Variants in GTF2H1 observed in about 807,000 individuals in gnomAD.
GTF2H1 encodes BTF2 p62.
Under a neutral mutation model 71.2 loss-of-function variants are expected in GTF2H1, and 16 were observed. The ratio of observed to expected loss-of-function variants is 0.22; its 90% CI spans 0.15 to 0.34. The LOEUF is 0.34. GTF2H1 is among the 10% of genes least tolerant of loss of function. The pLI is 1.00. For synonymous variants in GTF2H1, 215 were observed against 219.0 expected, an observed-to-expected ratio of 0.98 and a Z score of 0.16; for missense variants, 498 against 648.2, an observed-to-expected ratio of 0.77 and a Z score of 2.52.
chr11:18,348,165 C>A (rs1021753421), intron 9 of GTF2H1: 2 of 579,044 alleles, frequency 3.5e-6, no homozygotes, highest in Non-Finnish European at 6.1e-6. Context: ...GTTTGTTTTC[C>A]TCACATGTAC....
intron 1 of GTF2H1, among the ~76,000 whole-genome samples, chr11:18,329,553 C>A (rs1180936674): frequency 6.6e-6 from 1 of 152,228 alleles, no homozygotes; most frequent in Non-Finnish European, 1.5e-5. Context: ...AATCACTCCC[C>A]TATTCAAAAG....
chr11:18,338,749 C>G (rs1865090707), intron 4 of GTF2H1, among the ~76,000 whole-genome samples: 1 of 152,108 alleles, frequency 6.6e-6, no homozygotes, highest in Non-Finnish European at 1.5e-5. Context: ...ACACTCAGCC[C>G]TCTTCCAAAA....
At chr11:18,361,466 G>A (rs977172311) in intron 14 of GTF2H1, among the ~76,000 whole-genome samples, 4 of 152,084 alleles carry the variant, frequency 2.6e-5, no homozygotes, top group African/African-American at 9.7e-5. Context: ...CAGGAGTTCC[G>A]AGACCAGTTC....
At chr11:18,325,717 A>C (rs1259383961) in intron 1 of GTF2H1, among the ~76,000 whole-genome samples, 1 of 152,242 alleles carries the variant, frequency 6.6e-6, no homozygotes, top group Non-Finnish European at 1.5e-5. Flanking sequence ...TTGATGGGAA[A>C]GGAAGAGAAT....
chr11:18,332,813 A>G, intron 1 of GTF2H1: 1 of 277,972 alleles, frequency 3.6e-6, no homozygotes, highest in Non-Finnish European at 6.7e-6. Flanking sequence ...TAAATTAATA[A>G]TACTCATTAG....
chr11:18,365,116 G>T (rs1397938009), intron 14 of GTF2H1, among the ~76,000 whole-genome samples: 2 of 150,990 alleles, frequency 1.3e-5, no homozygotes, highest in African/African-American at 4.9e-5. Flanking sequence ...GGTGGCTCAG[G>T]CCTGTAATCC....
chr11:18,337,992 T>A (rs1865072582), intron 3 of GTF2H1, 117 bp from the exon 4 acceptor site: 1 of 654,998 alleles, frequency 1.5e-6, no homozygotes, highest in Non-Finnish European at 2.6e-6. Context: ...TGCTCAAACA[T>A]CACAAAATAA....
In GTF2H1 at chr11:18,340,973, G is replaced by A. The variant is rs561850095; in HGVS notation, c.608-288G>A. 4.4e-4 allele frequency among the ~76,000 whole-genome samples: 67 copies of A among 152,294 alleles called. 1 individual carries two copies. Among genetic ancestry groups the A allele is most frequent in the African/African-American group, 1.2e-3 (49 of 41,568 alleles). On this transcript the variant is annotated intron_variant, in intron 5 of 14. Coordinates refer to ENST00000265963, the MANE Select transcript of GTF2H1 (RefSeq NM_005316.4). ...TGCACATATATAAATGAGCAAACAA[G>A]CAGACTCAGCTCTGACTCCTGAGAT... is the stretch of plus-strand genomic sequence containing the variant.
At chr11:18,327,260 C>T (rs1377700879) in intron 1 of GTF2H1, among the ~76,000 whole-genome samples, 3 of 149,666 alleles carry the variant, frequency 2.0e-5, no homozygotes, top group African/African-American at 7.3e-5. Flanking sequence ...TTAATAACTG[C>T]TCTAGTATAA....
chr11:18,364,004 G>C (rs1402841333), intron 14 of GTF2H1, among the ~76,000 whole-genome samples: 1 of 151,994 alleles, frequency 6.6e-6, no homozygotes, highest in Non-Finnish European at 1.5e-5. Context: ...AACCTGGGAG[G>C]CGGAGATTGC....
At chr11:18,339,052 A>G (rs962378172) in intron 4 of GTF2H1, among the ~76,000 whole-genome samples, 2 of 152,216 alleles carry the variant, frequency 1.3e-5, no homozygotes, top group Non-Finnish European at 2.9e-5. Context: ...GGAATACCTT[A>G]TCTGTGGAAT....
At chr11:18,326,315 A>T (rs930432955) in intron 1 of GTF2H1, among the ~76,000 whole-genome samples, 1 of 152,054 alleles carries the variant, frequency 6.6e-6, no homozygotes, top group Non-Finnish European at 1.5e-5. Flanking sequence ...CGAGGTCAGG[A>T]GTTTGAGACC....
intron 7 of GTF2H1, among the ~76,000 whole-genome samples, chr11:18,342,650 G>A (rs1865187538): frequency 6.6e-6 from 1 of 152,168 alleles, no homozygotes; most frequent in South Asian, 2.1e-4. Flanking sequence ...TACAAACATG[G>A]CCCTCTTTAA....
chr11:18,364,818 A>G (rs1865780461), intron 14 of GTF2H1, among the ~76,000 whole-genome samples: 2 of 152,192 alleles, frequency 1.3e-5, no homozygotes, highest in Admixed American at 6.5e-5. Flanking sequence ...CTGTTTCACA[A>G]AATTATGCAG....
At chr11:18,357,265 A>G (rs1051888379) in intron 11 of GTF2H1, among the ~76,000 whole-genome samples, 1 of 152,204 alleles carries the variant, frequency 6.6e-6, no homozygotes, top group Non-Finnish European at 1.5e-5. Flanking sequence ...CTCATCGAAT[A>G]GATAGGTCAA....
chr11:18,347,862 C>G lies in GTF2H1; in HGVS notation c.996C>G (p.Pro332=), dbSNP rs1438652877. The stretch of plus-strand genomic sequence containing the variant: ...CACAAAATGAACAAACTAGTGAGCC[C>G]AGCAACATGGATGGAAATTCCGGAG... The part of the protein sequence containing the change: ...QEAQNEQTSE[P]SNMDGNSGDA... The change falls in exon 9 of 15, where the codon CCC becomes CCG. Residue 332 remains proline (P), a synonymous_variant. Transcript: ENST00000265963. The G allele has an allele frequency of 6.2e-7, 1 of 1,613,170 alleles. No individual in the cohort carries two copies. Among genetic ancestry groups the G allele is most frequent in the South Asian group, 1.1e-5 (1 of 90,914 alleles).
intron 11 of GTF2H1, among the ~76,000 whole-genome samples, chr11:18,353,692 C>T (rs1216712063): frequency 1.3e-5 from 2 of 152,108 alleles, no homozygotes; most frequent in African/African-American, 4.8e-5. Flanking sequence ...ACCTATATTA[C>T]GTTATTTATC....
chr11:18,352,349 C>T lies in GTF2H1; in HGVS notation c.1163C>T (p.Pro388Leu), dbSNP rs749579303. 3.3e-6 allele frequency: 5 copies of T among 1,531,312 alleles called. No individual in the cohort carries two copies. Among genetic ancestry groups the T allele is most frequent in the African/African-American group, 2.7e-5 (2 of 73,336 alleles). The allele number at this position is 1,531,312 out of a possible 1,614,324, so 94.9% of individuals were successfully genotyped here. ...KSDRYYHGPTPIQSLQYATSQ... is the reference protein window; with the variant it reads ...KSDRYYHGPTLIQSLQYATSQ... ...TGCAGGTATTATCATGGTCCAACTC[C>T]AATCCAGTCACTACAGTATGCAACA... The change falls in exon 11 of 15, where the codon CCA (proline) becomes CTA (leucine). Residue 388 changes from proline to leucine, a missense_variant. Pro to Leu is a moderately conservative substitution (Grantham distance 98). Transcript: ENST00000265963.
intron 7 of GTF2H1, among the ~76,000 whole-genome samples, chr11:18,342,711 G>A (rs931434536): frequency 2.0e-5 from 3 of 152,090 alleles, no homozygotes; most frequent in Non-Finnish European, 4.4e-5. Context: ...AACTTAGTAT[G>A]AAAGGAAGAC....
Sources: allele counts gnomAD v4.1 joint callset (sites outside exome capture counted in the v4.1 genomes callset), GRCh38; gene constraint gnomAD v4.1.1; transcripts MANE v1.5; gene names NCBI Gene and HGNC (gene_info 2026-07-23, HGNC 2026-07-21).